The following HNRNPF variants were observed in gnomAD, a reference collection of about 807,000 sequenced individuals.
HNRNPF encodes HnRNP F protein.
In HNRNPF, 2 loss-of-function variants were observed where a neutral mutation model predicts 26.0. That is an observed-to-expected ratio of 0.08 (90% CI 0.03 to 0.24). The LOEUF (loss-of-function observed/expected upper bound fraction) is 0.24, where lower values mean the gene tolerates loss of function less well. Among genes scored for constraint, HNRNPF ranks in the 10% least tolerant of loss-of-function variants. The probability of loss-of-function intolerance (pLI) is 1.00; values close to 1 mark genes in which losing one functional copy is unlikely to be tolerated. For synonymous variants in HNRNPF, 234 were observed against 211.5 expected, an observed-to-expected ratio of 1.11 and a Z score of -0.92; for missense variants, 299 against 539.2, an observed-to-expected ratio of 0.55 and a Z score of 4.41.
rs1838019305 is a variant in HNRNPF, at chr10:43,386,285, G to C, written c.*352C>G. ...AATATTTCTTTGAATCAGGGAGCTA[G>C]CACCTTTGAGTTTTCCAAAAAAGCA... is the stretch of plus-strand genomic sequence containing the variant. On this transcript the variant is annotated 3_prime_UTR_variant, in exon 4 of 4. Coordinates refer to ENST00000682386, the MANE Select transcript of HNRNPF (RefSeq NM_001098204.2). The C allele has an allele frequency of 5.5e-6, 1 of 181,456 alleles. No individual in the cohort carries two copies. The highest frequency in any genetic ancestry group is 1.9e-4 in the South Asian group (1 of 5,344). 11.2% of individuals were successfully genotyped at this position (181,456 alleles called of 1,614,324 possible). A position where few individuals can be genotyped will look rare whatever the true frequency, so the allele number is the denominator to read the frequency against.
At chr10:43,408,221 C>T (rs1386187336) in intron 1 of HNRNPF, among the ~76,000 whole-genome samples, 1 of 152,228 alleles carries the variant, frequency 6.6e-6, no homozygotes, top group Non-Finnish European at 1.5e-5. Flanking sequence ...AGCCCTCCGG[C>T]AGTCGCCAGC....
At chr10:43,398,811 C>G (rs1331665672) in intron 1 of HNRNPF, among the ~76,000 whole-genome samples, 1 of 151,938 alleles carries the variant, frequency 6.6e-6, no homozygotes, top group Non-Finnish European at 1.5e-5. Flanking sequence ...GCAACCACAC[C>G]CGGCTAATAC....
At chr10:43,408,049 G>A (rs578025506) in intron 1 of HNRNPF, among the ~76,000 whole-genome samples, 8 of 152,284 alleles carry the variant, frequency 5.3e-5, no homozygotes, top group Non-Finnish European at 8.8e-5. Flanking sequence ...AGCCTCCCGA[G>A]TAGCTGGGAC....
rs79632225 is a variant in HNRNPF at position 43,406,705 on chromosome 10, T to C, written c.-247+2426A>G. On this transcript the variant is annotated intron_variant, in intron 1 of 3. Coordinates refer to ENST00000682386, the MANE Select transcript of HNRNPF (RefSeq NM_001098204.2). ...AGACCCTGTCTCAAAAAATAATACA[T>C]ATTTTTTTATAGAGACGGGGTAGGT... Among the ~76,000 whole-genome samples the C allele has an allele frequency of 4.7e-3, 719 of 152,114 alleles. 6 individuals carry two copies. The highest frequency in any genetic ancestry group is 0.017 in the African/African-American group (694 of 41,500).
rs1042251940 is a variant in HNRNPF, at chr10:43,386,468, G to C, written c.*169C>G. The C allele has an allele frequency of 3.2e-6, 2 of 619,976 alleles. No individual in the cohort carries two copies. Among genetic ancestry groups the C allele is most frequent in the Non-Finnish European group, 5.5e-6 (2 of 366,556 alleles). The allele number at this position is 619,976 out of a possible 1,614,324, so 38.4% of individuals were successfully genotyped here. On this transcript the variant is annotated 3_prime_UTR_variant, in exon 4 of 4. Transcript: ENST00000682386. Reference sequence around the variant, plus strand: ...TTAGTTTACTCATTATCACATGCTAGAAGAAAATTTTGCATGAGAAAACAC... The same window carrying C: ...TTAGTTTACTCATTATCACATGCTACAAGAAAATTTTGCATGAGAAAACAC...
intron 1 of HNRNPF, chr10:43,407,963 G>A (rs2131996951): frequency 6.6e-6 from 1 of 152,276 alleles, no homozygotes. Flanking sequence ...TCTCATTTCC[G>A]TCGCCCGGCT....
rs530582291 is a variant in HNRNPF at position 43,390,519 on chromosome 10, C to T, written c.-52-2583G>A. ...CCACCTAATCACATCCTACTCCCTC[C>T]ACCACAACTGCTATCCCCCTCCTTT... On this transcript the variant is annotated intron_variant, in intron 3 of 3. Transcript: ENST00000682386. Among the ~76,000 whole-genome samples, 14 of 152,294 alleles carry T rather than the reference C, an allele frequency of 9.2e-5. No individual in the cohort carries two copies. In the South Asian group the frequency reaches 2.3e-3, roughly 25 times the overall value.
At chr10:43,392,189 A>G (rs1403090575) in intron 3 of HNRNPF, among the ~76,000 whole-genome samples, 1 of 152,150 alleles carries the variant, frequency 6.6e-6, no homozygotes, top group East Asian at 1.9e-4. Context: ...AGATCATTTG[A>G]GGTCAGGAGT....
At chr10:43,407,229 C>T (rs1838949906) in intron 1 of HNRNPF, among the ~76,000 whole-genome samples, 1 of 151,180 alleles carries the variant, frequency 6.6e-6, no homozygotes, top group Non-Finnish European at 1.5e-5. Context: ...TCCGGGAAGC[C>T]GCCGCCGCCG....
intron 1 of HNRNPF, among the ~76,000 whole-genome samples, chr10:43,401,009 GAGGCGGA>G (rs1838737690): frequency 6.6e-6 from 1 of 152,144 alleles, no homozygotes; most frequent in Non-Finnish European, 1.5e-5. Flanking sequence ...GTGAACCCGG[GAGGCGGA>G]ACTTGCAGGG....
chr10:43,395,706 T>C (rs1838463422), intron 2 of HNRNPF, among the ~76,000 whole-genome samples: 1 of 152,176 alleles, frequency 6.6e-6, no homozygotes. Context: ...TGTTCAAGGA[T>C]CTAAAGGGTG....
At chr10:43,404,390 C>T (rs370091999) in intron 1 of HNRNPF, among the ~76,000 whole-genome samples, 3 of 151,668 alleles carry the variant, frequency 2.0e-5, no homozygotes, top group South Asian at 4.2e-4. Flanking sequence ...GAAAAGGAAT[C>T]GATTATTAAA....
At chr10:43,407,233 G>A (rs1157712555) in intron 1 of HNRNPF, among the ~76,000 whole-genome samples, 2 of 151,240 alleles carry the variant, frequency 1.3e-5, no homozygotes, top group African/African-American at 4.8e-5. Flanking sequence ...GGAAGCCGCC[G>A]CCGCCGCCCG....
intron 2 of HNRNPF, among the ~76,000 whole-genome samples, chr10:43,395,283 G>A (rs1838437446): frequency 6.6e-6 from 1 of 152,194 alleles, no homozygotes; most frequent in Non-Finnish European, 1.5e-5. Flanking sequence ...GAACCCCTCT[G>A]TAAGCAGTGT....
At chr10:43,399,873 A>G (rs56087058) in intron 1 of HNRNPF, among the ~76,000 whole-genome samples, 16,837 of 152,184 alleles carry the variant, frequency 0.11, 950 homozygotes, top group Non-Finnish European at 0.12. Flanking sequence ...GAAATGTACA[A>G]ATATATGATG....
chr10:43,398,137 C>T (rs1439148468), intron 1 of HNRNPF, among the ~76,000 whole-genome samples: 6 of 151,912 alleles, frequency 3.9e-5, no homozygotes, highest in African/African-American at 1.5e-4. Flanking sequence ...AGGCGATTCT[C>T]CTGCCTCAGC....
intron 1 of HNRNPF, among the ~76,000 whole-genome samples, chr10:43,400,361 C>G (rs187279866): frequency 6.6e-6 from 1 of 152,222 alleles, no homozygotes; most frequent in East Asian, 1.9e-4. Flanking sequence ...ATTCTTATTT[C>G]GTGGTGAATC....
intron 1 of HNRNPF, among the ~76,000 whole-genome samples, chr10:43,408,243 G>T (rs748616458): frequency 3.9e-5 from 6 of 152,132 alleles, no homozygotes; most frequent in Admixed American, 6.5e-5. Flanking sequence ...CCCCGCCAGG[G>T]GGCCGGACTA....
chr10:43,388,860 C>T lies in HNRNPF; in HGVS notation c.-52-924G>A, dbSNP rs553678304. ...CTGACCTAGACAGCAGGGTCTATAACATAGTCACAAGCAAGAAAAACACTG... is the reference window on the plus strand; with the variant it reads ...CTGACCTAGACAGCAGGGTCTATAATATAGTCACAAGCAAGAAAAACACTG... On this transcript the variant is annotated intron_variant, in intron 3 of 3. Coordinates refer to ENST00000682386, the MANE Select transcript of HNRNPF (RefSeq NM_001098204.2). 5.3e-5 allele frequency among the ~76,000 whole-genome samples: 8 copies of T among 151,926 alleles called. 1 individual carries two copies. In the South Asian group the frequency reaches 1.7e-3, roughly 32 times the overall value.
Sources: gnomAD v4.1 joint callset for allele counts (sites outside exome capture counted in the v4.1 genomes callset) on GRCh38, gnomAD v4.1.1 for gene constraint, MANE v1.5 for transcripts, NCBI Gene and HGNC (gene_info 2026-07-23, HGNC 2026-07-21) for gene names.